Variants in GLCE observed in about 807,000 individuals in gnomAD.
The protein encoded by GLCE is D-glucuronyl C5-epimerase.
A neutral mutation model predicts 47.9 loss-of-function variants in GLCE; 19 were observed. The observed-to-expected ratio is 0.40, with a 90% CI of 0.28 to 0.58. The LOEUF (loss-of-function observed/expected upper bound fraction) is 0.58. Ranked by LOEUF, GLCE falls within the 20% of genes least tolerant of loss-of-function variation. The pLI is 0.48. For missense variants in GLCE, 556 were observed against 743.3 expected (o/e 0.75, Z 2.93); for synonymous variants, 245 against 263.4 (o/e 0.93, Z 0.68).
intron 1 of GLCE, among the ~76,000 whole-genome samples, chr15:69,191,044 C>T (rs61356920): frequency 0.034 from 5,122 of 152,172 alleles, 185 homozygotes; most frequent in East Asian, 0.14. Context: ...TTGTTAAAAA[C>T]CCCACAGTAG....
rs190065277 is a variant in GLCE at position 69,250,986 on chromosome 15, C to A, written c.-13-4808C>A. ...CAAGTCCATTGTTGAATTTCCCAGT[C>A]CAGAACCAAGTTTCACATCTGGTTG... On this transcript the variant is annotated intron_variant, in intron 2 of 4. Transcript: ENST00000261858. 1.2e-3 allele frequency among the ~76,000 whole-genome samples: 190 copies of A among 152,152 alleles called. 1 individual carries two copies. The highest frequency in any genetic ancestry group is 8.7e-4 in the Non-Finnish European group (59 of 67,994).
chr15:69,228,935 A>G (rs1045344674), intron 2 of GLCE, among the ~76,000 whole-genome samples: 4 of 152,162 alleles, frequency 2.6e-5, no homozygotes, highest in Non-Finnish European at 4.4e-5. Flanking sequence ...CGATTTGCCC[A>G]CCTTGGCTTC....
chr15:69,258,555 GGTTTTTTAT>G lies in GLCE; in HGVS notation c.586+2172_586+2180del, dbSNP rs1203740413. On this transcript the variant is annotated intron_variant, in intron 3 of 4. Transcript: ENST00000261858. Reference sequence around the variant, plus strand: ...TAGTTGTACACTTAGGTCATTTCCAGGTTTTTTATGTTTTTTAATTAATGTTTTATATTT... The same window carrying G: ...TAGTTGTACACTTAGGTCATTTCCAGGTTTTTTAATTAATGTTTTATATTT... Among the ~76,000 whole-genome samples the G allele has an allele frequency of 1.1e-4, 16 of 152,142 alleles. No individual in the cohort carries two copies. In the South Asian group the frequency reaches 3.3e-3, roughly 32 times the overall value.
rs2053172659 is a variant in GLCE, at chr15:69,271,989, AGT to A, written c.*2748_*2749del. On this transcript the variant is annotated 3_prime_UTR_variant, in exon 5 of 5. Coordinates refer to ENST00000261858, the MANE Select transcript of GLCE (RefSeq NM_015554.3). ...ATACCATATGTTAAATATGCAATAA[AGT>A]GTTTACAGGATGCCCTTCTGAAGGG... is the stretch of plus-strand genomic sequence containing the variant. 1 of 152,626 alleles carries A rather than the reference AGT, an allele frequency of 6.6e-6. No individual in the cohort carries two copies. The highest frequency in any genetic ancestry group is 1.5e-5 in the Non-Finnish European group (1 of 68,040). The allele number at this position is 152,626 out of a possible 1,614,324, so 9.5% of individuals were successfully genotyped here.
At chr15:69,225,327 T>C (rs562697450) in intron 2 of GLCE, among the ~76,000 whole-genome samples, 1 of 152,296 alleles carries the variant, frequency 6.6e-6, no homozygotes. Context: ...GTCCCTGTCC[T>C]CTTAGTCTTC....
At chr15:69,231,869 T>C (rs2052528160) in intron 2 of GLCE, among the ~76,000 whole-genome samples, 1 of 152,220 alleles carries the variant, frequency 6.6e-6, no homozygotes, top group Non-Finnish European at 1.5e-5. Context: ...CTCTGCTCAC[T>C]GCAGCCTCTG....
intron 2 of GLCE, among the ~76,000 whole-genome samples, chr15:69,229,682 T>C (rs13380269): frequency 1.4e-4 from 22 of 151,760 alleles, no homozygotes; most frequent in Non-Finnish European, 2.6e-4. Flanking sequence ...TAAAATGGAA[T>C]TATGAAAATT....
chr15:69,217,957 C>A (rs916401543), intron 2 of GLCE, among the ~76,000 whole-genome samples: 2 of 150,582 alleles, frequency 1.3e-5, no homozygotes, highest in African/African-American at 4.9e-5. Flanking sequence ...AGTTCGAGAC[C>A]AACCTGGCCA....
intron 2 of GLCE, among the ~76,000 whole-genome samples, chr15:69,218,942 T>C (rs1294287075): frequency 1.3e-5 from 2 of 152,206 alleles, no homozygotes; most frequent in African/African-American, 4.8e-5. Flanking sequence ...TAGTATAATA[T>C]TTGTAAAACA....
intron 1 of GLCE, among the ~76,000 whole-genome samples, chr15:69,174,848 C>T (rs1447884451): frequency 6.6e-6 from 1 of 152,068 alleles, no homozygotes; most frequent in Non-Finnish European, 1.5e-5. Flanking sequence ...TAACCCTGAT[C>T]CATTTTTTTA....
At position 69,269,530 on chromosome 15, in the gene GLCE, G is replaced by T; in HGVS notation, c.*286G>T. On this transcript the variant is annotated 3_prime_UTR_variant, in exon 5 of 5. Transcript: ENST00000261858. ...CCTATACAGTTTCGCAGATAGTCTA[G>T]TCACTCTATGTGAGAAAGATAATGG... is the stretch of plus-strand genomic sequence containing the variant. 1 of 371,996 alleles carries T rather than the reference G, an allele frequency of 2.7e-6. No individual in the cohort carries two copies. Among genetic ancestry groups the T allele is most frequent in the Non-Finnish European group, 4.9e-6 (1 of 205,236 alleles). 23.0% of individuals were successfully genotyped at this position (371,996 alleles called of 1,614,324 possible).
intron 2 of GLCE, among the ~76,000 whole-genome samples, chr15:69,231,818 A>G (rs1210444691): frequency 6.6e-6 from 1 of 151,902 alleles, no homozygotes; most frequent in Admixed American, 6.6e-5. Flanking sequence ...GAGACGGAGT[A>G]TTTCCCTGTC....
In GLCE at chr15:69,269,600, T is replaced by A. The variant is rs1051917484; in HGVS notation, c.*356T>A. The A allele has an allele frequency of 3.0e-4, 58 of 193,940 alleles. No individual in the cohort carries two copies. Among genetic ancestry groups the A allele is most frequent in the African/African-American group, 1.3e-3 (54 of 42,958 alleles). 12.0% of individuals were successfully genotyped at this position (193,940 alleles called of 1,614,324 possible). On this transcript the variant is annotated 3_prime_UTR_variant, in exon 5 of 5. Transcript: ENST00000261858. ...AACTGTCTAGCACTTACCTGAAAAC[T>A]TAGTATGGAGCTCTTTTAAAATGTG...
chr15:69,199,942 A>G (rs939180051), intron 1 of GLCE, among the ~76,000 whole-genome samples: 5 of 152,170 alleles, frequency 3.3e-5, no homozygotes, highest in Admixed American at 6.5e-5. Flanking sequence ...ACAGACTTCT[A>G]TCCGTTATGA....
At chr15:69,225,070 A>G (rs1163122287) in intron 2 of GLCE, among the ~76,000 whole-genome samples, 2 of 152,206 alleles carry the variant, frequency 1.3e-5, no homozygotes, top group Non-Finnish European at 2.9e-5. Flanking sequence ...TGGTGGTTCT[A>G]TGGCTTATGG....
chr15:69,207,752 A>G (rs2052172028), intron 1 of GLCE, among the ~76,000 whole-genome samples: 1 of 152,072 alleles, frequency 6.6e-6, no homozygotes, highest in Non-Finnish European at 1.5e-5. Flanking sequence ...AGTTCAGTTT[A>G]GTAAGTATCT....
chr15:69,198,815 A>G (rs750550456), intron 1 of GLCE, among the ~76,000 whole-genome samples: 1 of 152,066 alleles, frequency 6.6e-6, no homozygotes, highest in Non-Finnish European at 1.5e-5. Flanking sequence ...TTGGCCTCCC[A>G]AAGTCTTGGG....
chr15:69,166,822 A>G (rs1254995917), intron 1 of GLCE, among the ~76,000 whole-genome samples: 3 of 142,324 alleles, frequency 2.1e-5, no homozygotes, highest in African/African-American at 7.8e-5. Flanking sequence ...CGGGAGGCTG[A>G]GGCAGGAAAA....
intron 4 of GLCE, among the ~76,000 whole-genome samples, chr15:69,267,843 C>CTT (rs34922164): frequency 0.56 from 79,010 of 140,348 alleles, 23,337 homozygotes; most frequent in Admixed American, 0.66. Context: ...CAGGTTTTGG[C>CTT]TTTTTTTTTT....
Sources: allele counts gnomAD v4.1 joint callset (sites outside exome capture counted in the v4.1 genomes callset), GRCh38; gene constraint gnomAD v4.1.1; transcripts MANE v1.5; gene names NCBI Gene and HGNC (gene_info 2026-07-23, HGNC 2026-07-21).